The following MSL3 variants were observed in gnomAD, a reference collection of about 807,000 sequenced individuals.
MSL3 encodes MSL3-like 1.
MSL3 carries 5 observed loss-of-function variants against 37.2 expected under a neutral mutation model. The observed-to-expected ratio is 0.13, with a 90% confidence interval of 0.07 to 0.28. The LOEUF (loss-of-function observed/expected upper bound fraction) is 0.28, where lower values mean the gene tolerates loss of function less well. MSL3 is among the 10% of genes least tolerant of loss of function. The pLI, the probability that MSL3 is intolerant of heterozygous loss-of-function variation, is 1.00. For missense variants in MSL3, 315 were observed against 408.5 expected (o/e 0.77, Z 1.97); for synonymous variants, 149 against 147.6 (o/e 1.01, Z -0.07).
At chrX:11,759,555 A>T in intron 1 of MSL3, 1 of 992,970 alleles carries the variant, frequency 1.0e-6, no homozygotes, top group Non-Finnish European at 1.3e-6. Context: ...ATGGCTTCAG[A>T]AGCCTCACAC....
chrX:11,772,876 A>G (rs2053242960), intron 12 of MSL3, among the ~76,000 whole-genome samples, 171 bp downstream of exon 12: 1 of 111,059 alleles, frequency 9.0e-6, no homozygotes, highest in African/African-American at 3.3e-5. Flanking sequence ...TTTTTTTGGT[A>G]TTTCTTTTTT....
At chrX:11,766,177 C>T (rs1451984890) in intron 9 of MSL3, 4 of 790,759 alleles carry the variant, frequency 5.1e-6, no homozygotes. Flanking sequence ...CTCAGATTTC[C>T]ATAAGCTCTT....
At chrX:11,758,631 A>G in intron 1 of MSL3, 2 of 1,156,495 alleles carry the variant, frequency 1.7e-6, no homozygotes, top group East Asian at 3.3e-5. Context: ...TACCGGGGCT[A>G]CCGTTTGCGC....
intron 10 of MSL3, among the ~76,000 whole-genome samples, chrX:11,770,251 T>A (rs917496641): frequency 8.9e-6 from 1 of 112,121 alleles, no homozygotes; most frequent in Admixed American, 9.4e-5. Flanking sequence ...CCATAGAGAA[T>A]CTAGAAAGCC....
intron 10 of MSL3, 29 bp downstream of exon 10, chrX:11,768,711 T>C: frequency 9.9e-7 from 1 of 1,012,024 alleles, no homozygotes; most frequent in Non-Finnish European, 1.4e-6. Context: ...TTGTTCCCAA[T>C]GGTTCCTTTA....
At chrX:11,760,756 G>A in intron 3 of MSL3, 81 bp from the exon 4 acceptor site, 1 of 780,921 alleles carries the variant, frequency 1.3e-6, no homozygotes, top group Non-Finnish European at 1.8e-6. Context: ...GTATTTCATT[G>A]TTTATTATAT....
At position 11,762,867 on chromosome X, in the gene MSL3, A is replaced by G; in HGVS notation, c.619A>G (p.Ile207Val). 8.3e-7 allele frequency: 1 copy of G among 1,209,963 alleles called. No homozygotes were observed. Among genetic ancestry groups the G allele is most frequent in the African/African-American group, 1.7e-5 (1 of 57,876 alleles). ...LVKLPCQTNI[I>V]TILESYVKHF... ...GAAACTTCCATGCCAGACCAACATC[A>G]TAACGATTTTGGAATCCTATGTGAA... The change falls in exon 7 of 13, where the codon ATA becomes GTA. Residue 207 changes from isoleucine to valine, a missense_variant. Coordinates refer to ENST00000312196, the MANE Select transcript of MSL3 (RefSeq NM_078629.4).
At chrX:11,770,219 T>C (rs6530453) in intron 10 of MSL3, among the ~76,000 whole-genome samples, 37,302 of 111,372 alleles carry the variant, frequency 0.33, 6,389 homozygotes, top group African/African-American at 0.68. Flanking sequence ...GGATTTGGCC[T>C]AGGGGCTACA....
In MSL3 at chrX:11,760,482, A is replaced by T; in HGVS notation, c.265A>T (p.Lys89Ter). The change falls in exon 3 of 13, where the codon AAA becomes TAA. Residue 89 changes from lysine (K) to a stop codon, truncating the protein, a stop_gained. Coordinates refer to ENST00000312196, the MANE Select transcript of MSL3 (RefSeq NM_078629.4). LOFTEE classifies it high-confidence loss of function. ...NRRLQRKLAR[K>*]AVARLRSTGR... ...TAGATTACAGCGTAAATTGGCAAGA[A>T]AAGCTGTAGCTCGCCTGTAAGAATA... 1 of 1,195,316 alleles carries T rather than the reference A, an allele frequency of 8.4e-7. No homozygotes were observed.
At chrX:11,766,455 CA>C in intron 9 of MSL3, 1 of 752,338 alleles carries the variant, frequency 1.3e-6, no homozygotes, top group Non-Finnish European at 1.6e-6. Flanking sequence ...ACTAACCAGG[CA>C]TTTTTCCCAA....
chrX:11,759,449 C>A, intron 1 of MSL3: 1 of 261,997 alleles, frequency 3.8e-6, no homozygotes, highest in Non-Finnish European at 6.0e-6. Context: ...TGGCACTGGA[C>A]ATAGGGGAGC....
intron 1 of MSL3, chrX:11,758,703 G>A: frequency 4.3e-6 from 5 of 1,167,089 alleles, no homozygotes; most frequent in Middle Eastern, 2.3e-4. Flanking sequence ...CTGTCTTCGC[G>A]TTAAATGTCT....
Position 11,763,895 on chromosome X carries a change from A to G in MSL3, c.865A>G (p.Lys289Glu). The change falls in exon 8 of 13, where the codon AAA (lysine) becomes GAA (glutamate). Residue 289 changes from lysine (K) to glutamate (E), a missense_variant. Physicochemically the swap from Lys to Glu is moderately conservative, Grantham distance 56. Transcript: ENST00000312196. ...QAQYKKVTSS[K>E]FFLPIKESAT... Reference sequence around the variant, plus strand: ...TCAGTATAAAAAGGTGACTTCGTCTAAATTTTTTCTTCCAATTAAGGAAAG... The same window carrying G: ...TCAGTATAAAAAGGTGACTTCGTCTGAATTTTTTCTTCCAATTAAGGAAAG... The G allele has an allele frequency of 8.3e-7, 1 of 1,210,084 alleles. No individual in the cohort carries two copies.
intron 6 of MSL3, 57 bp downstream of exon 6, chrX:11,762,309 G>A: frequency 9.7e-7 from 1 of 1,032,299 alleles, no homozygotes; most frequent in Non-Finnish European, 1.3e-6. Context: ...TTTTGCCATA[G>A]TTTGCAATCA....
At chrX:11,758,710 G>A in intron 1 of MSL3, 1 of 1,167,016 alleles carries the variant, frequency 8.6e-7, no homozygotes, top group Non-Finnish European at 1.1e-6. Flanking sequence ...CGCGTTAAAT[G>A]TCTCCTTCTG....
In MSL3 at chrX:11,762,383, C is replaced by T. The variant is rs2053141423; in HGVS notation, c.588+131C>T. The T allele has an allele frequency of 5.1e-6, 3 of 585,498 alleles. No individual in the cohort carries two copies. The South Asian group carries it at 1.2e-4, about 23-fold the overall frequency. 48.3% of individuals were successfully genotyped at this position (585,498 alleles called of 1,213,427 possible). On this transcript the variant is annotated intron_variant, in intron 6 of 12. Transcript: ENST00000312196. Reference sequence around the variant, plus strand: ...TATATTTTTCAGCTTTGTATTGAGTCAGGTTTTAAAGTTCTCTGCCAGTGG... The same window carrying T: ...TATATTTTTCAGCTTTGTATTGAGTTAGGTTTTAAAGTTCTCTGCCAGTGG...
At chrX:11,764,924 C>A (rs890886810) in intron 8 of MSL3, among the ~76,000 whole-genome samples, 6 of 112,571 alleles carry the variant, frequency 5.3e-5, no homozygotes, top group Non-Finnish European at 5.6e-5. Flanking sequence ...TCAAAGTCCC[C>A]AGGGCCTACT....
chrX:11,766,149 A>T lies in MSL3; in HGVS notation c.1171+420A>T, dbSNP rs187872705. 699 of 824,324 alleles carry T rather than the reference A, an allele frequency of 8.5e-4. 8 individuals carry two copies. The African/African-American group carries it at 0.014, about 16-fold the overall frequency. 67.9% of individuals were successfully genotyped at this position (824,324 alleles called of 1,213,427 possible). On this transcript the variant is annotated intron_variant, in intron 9 of 12. Coordinates refer to ENST00000312196, the MANE Select transcript of MSL3 (RefSeq NM_078629.4). The stretch of plus-strand genomic sequence containing the variant: ...TTTAATTTGGAAAGGTCTGTCCTGA[A>T]TTATCAAAGTAAGAATACTCAGATT...
At position 11,765,578 on chromosome X, in the gene MSL3, T is replaced by A; in HGVS notation, c.1020T>A (p.Ala340=). Residue 340 remains alanine (A), a synonymous_variant, in exon 9 of 13, where the codon GCT becomes GCA. Coordinates refer to ENST00000312196, the MANE Select transcript of MSL3 (RefSeq NM_078629.4). Reference sequence around the variant, plus strand: ...CAGCCACCCCCAAAAGGCGCAAAGCTGAGCCAGAAGCATTGCAGTCTCTGA... The same window carrying A: ...CAGCCACCCCCAAAAGGCGCAAAGCAGAGCCAGAAGCATTGCAGTCTCTGA... ...GEPATPKRRK[A]EPEALQSLRR... 2 of 1,210,341 alleles carry A rather than the reference T, an allele frequency of 1.7e-6. No homozygotes were observed. Among genetic ancestry groups the A allele is most frequent in the Non-Finnish European group, 1.1e-6 (1 of 895,016 alleles).
Sources: allele counts gnomAD v4.1 joint callset (sites outside exome capture counted in the v4.1 genomes callset), GRCh38; gene constraint gnomAD v4.1.1; transcripts MANE v1.5; gene names NCBI Gene and HGNC (gene_info 2026-07-23, HGNC 2026-07-21).